ABCB11: variants seen among roughly 807,000 people sequenced by gnomAD.
ABCB11 encodes ATP binding cassette subfamily B member 11, also known as bile salt export pump.
In ABCB11, 95 loss-of-function variants were observed where a neutral mutation model predicts 148.0. The ratio of observed to expected loss-of-function variants is 0.64; its 90% confidence interval spans 0.54 to 0.76. The LOEUF (loss-of-function observed/expected upper bound fraction) is 0.76, where lower values mean the gene tolerates loss of function less well. Ranked by LOEUF, ABCB11 falls within the 30% of genes least tolerant of loss-of-function variation. The probability of loss-of-function intolerance (pLI) is 0.00; values close to 1 mark genes in which losing one functional copy is unlikely to be tolerated. For synonymous variants in ABCB11, 591 were observed against 555.4 expected (o/e 1.06, Z -0.90); for missense variants, 1,523 against 1,617.8 (o/e 0.94, Z 1.01).
In ABCB11 at chr2:168,923,768, C is replaced by A. The variant is rs753502599; in HGVS notation, c.3820G>T (p.Ala1274Ser). The change falls in exon 28 of 28, where the codon GCC (alanine) becomes TCC (serine). Residue 1274 changes from alanine to serine, a missense_variant. Coordinates refer to ENST00000650372, the MANE Select transcript of ABCB11 (RefSeq NM_003742.4). The stretch of plus-strand genomic sequence containing the variant: ...TTCTGGATGGTGGACAAGCGATGGG[C>A]AATGACAATGCAGGTCCGACCCTCT... ...AREGRTCIVI[A>S]HRLSTIQNAD... 1.2e-6 allele frequency: 2 copies of A among 1,613,808 alleles called. No individual in the cohort carries two copies. The highest frequency in any genetic ancestry group is 2.7e-5 in the African/African-American group (2 of 74,880).
chr2:169,014,236 C>CG, intron 4 of ABCB11, 67 bp downstream of exon 4: 4 of 1,087,910 alleles, frequency 3.7e-6, no homozygotes, highest in Non-Finnish European at 5.6e-6. Context: ...AGATTTAACA[C>CG]TCCCCTCATG....
At chr2:168,936,655 C>T (rs1479120792) in intron 21 of ABCB11, among the ~76,000 whole-genome samples, 1 of 152,112 alleles carries the variant, frequency 6.6e-6, no homozygotes, top group Non-Finnish European at 1.5e-5. Flanking sequence ...CCAACAAAAA[C>T]TCTGTATCCA....
At chr2:168,949,041 C>A (rs910866343) in intron 19 of ABCB11, among the ~76,000 whole-genome samples, 39 of 151,616 alleles carry the variant, frequency 2.6e-4, no homozygotes, top group African/African-American at 9.2e-4. Flanking sequence ...ATTCTATAGA[C>A]TAGGATTCGG....
At chr2:168,968,839 T>A (rs889851572) in intron 16 of ABCB11, among the ~76,000 whole-genome samples, 5 of 151,614 alleles carry the variant, frequency 3.3e-5, no homozygotes, top group Non-Finnish European at 7.4e-5. Flanking sequence ...CTATTCAGAA[T>A]AACCCTCCTA....
At chr2:168,961,227 T>C (rs1016851860) in intron 18 of ABCB11, among the ~76,000 whole-genome samples, 10 of 151,766 alleles carry the variant, frequency 6.6e-5, no homozygotes, top group Non-Finnish European at 8.9e-5. Context: ...CTGTTTCCTT[T>C]CTTACATCTT....
At chr2:168,969,952 C>T in intron 15 of ABCB11, 93 bp downstream of exon 15, 20 of 541,468 alleles carry the variant, frequency 3.7e-5, no homozygotes, top group Non-Finnish European at 5.8e-5. Context: ...ATCAACTACT[C>T]CCATCCCTCC....
rs567990485 is a variant in ABCB11, at chr2:168,969,596, A to G, written c.1810-45T>C. 2.0e-6 allele frequency: 3 copies of G among 1,511,652 alleles called. No homozygotes were observed. In the South Asian group the frequency reaches 3.5e-5, roughly 17 times the overall value. The allele number at this position is 1,511,652 out of a possible 1,614,324, so 93.6% of individuals were successfully genotyped here. On this transcript the variant is annotated intron_variant, in intron 15 of 27. Transcript: ENST00000650372. The stretch of plus-strand genomic sequence containing the variant: ...ACCATTAAACAAAACTGTGAGACAG[A>G]GCTGACACTGACCTTTGCATCATTT...
rs767002817 is a variant in ABCB11, at chr2:168,990,801, C to G, written c.908G>C (p.Arg303Thr). Residue 303 changes from arginine to threonine, a missense_variant and splice_region_variant, in exon 9 of 28, where the codon AGG (arginine) becomes ACG (threonine). Transcript: ENST00000650372. ...AAGAATCAGATTCCAATTAACCAACCTTTCAACCTCTCTTTTCTCACCACC... is the reference window on the plus strand; with the variant it reads ...AAGAATCAGATTCCAATTAACCAACGTTTCAACCTCTCTTTTCTCACCACC... The part of the protein sequence containing the change: ...AFGGEKREVE[R>T]YEKNLVFAQR... 1 of 1,612,566 alleles carries G rather than the reference C, an allele frequency of 6.2e-7. No individual in the cohort carries two copies. The highest frequency in any genetic ancestry group is 8.5e-7 in the Non-Finnish European group (1 of 1,179,114).
intron 5 of ABCB11, among the ~76,000 whole-genome samples, chr2:169,012,717 G>C (rs1695223268): frequency 6.9e-6 from 1 of 145,402 alleles, no homozygotes; most frequent in Non-Finnish European, 1.5e-5. Flanking sequence ...TCCAGCCTGG[G>C]CAAAAAAGGA....
chr2:168,954,755 G>T (rs1297045508), intron 19 of ABCB11, among the ~76,000 whole-genome samples: 3 of 151,610 alleles, frequency 2.0e-5, no homozygotes, highest in Non-Finnish European at 3.0e-5. Context: ...CTTCTGAACT[G>T]GTTGTCTAAC....
At chr2:168,963,965 C>A (rs1204175670) in intron 18 of ABCB11, among the ~76,000 whole-genome samples, 1 of 151,790 alleles carries the variant, frequency 6.6e-6, no homozygotes, top group Non-Finnish European at 1.5e-5. Context: ...AGACAATTAA[C>A]CCTCCGAAGT....
intron 1 of ABCB11, among the ~76,000 whole-genome samples, chr2:169,019,206 CAT>C (rs1364033516): frequency 6.6e-6 from 1 of 151,998 alleles, no homozygotes; most frequent in East Asian, 1.9e-4. Context: ...TATATACACA[CAT>C]GTACAAATAA....
chr2:168,946,245 C>T (rs903684620), intron 19 of ABCB11, among the ~76,000 whole-genome samples: 2 of 151,830 alleles, frequency 1.3e-5, no homozygotes, highest in Non-Finnish European at 1.5e-5. Flanking sequence ...GTCATTAAAA[C>T]AGTGTCAACA....
At chr2:168,964,782 T>C (rs983365696) in intron 17 of ABCB11, among the ~76,000 whole-genome samples, 4 of 151,864 alleles carry the variant, frequency 2.6e-5, no homozygotes, top group Admixed American at 2.6e-4. Flanking sequence ...GGGCCTCTGA[T>C]GAGATTTTCT....
intron 4 of ABCB11, 69 bp downstream of exon 4, chr2:169,014,234 C>A: frequency 4.3e-6 from 5 of 1,168,858 alleles, no homozygotes; most frequent in South Asian, 2.5e-5. Flanking sequence ...AAAGATTTAA[C>A]ACTCCCCTCA....
chr2:168,959,959 A>C (rs1014794266), intron 18 of ABCB11, among the ~76,000 whole-genome samples: 47 of 131,046 alleles, frequency 3.6e-4, no homozygotes, highest in African/African-American at 1.2e-3. Context: ...AAAAAAAAAA[A>C]CCCGAATATG....
chr2:168,930,747 G>A lies in ABCB11; in HGVS notation c.3329C>T (p.Ala1110Val), dbSNP rs373956718. Residue 1110 changes from alanine (A) to valine (V), a missense_variant, in exon 25 of 28, where the codon GCG becomes GTG. Physicochemically the swap from Ala to Val is moderately conservative, Grantham distance 64. Transcript: ENST00000650372. Reference protein sequence around the residue: ...SVSISPGQTLAFVGSSGCGKS... With the variant: ...SVSISPGQTLVFVGSSGCGKS... ...GCCACATCCACTGCTCCCAACAAAC[G>A]CCAGTGTCTGCCCTGGACTAATCGA... 1.1e-5 allele frequency: 18 copies of A among 1,610,178 alleles called. No individual in the cohort carries two copies. Among genetic ancestry groups the A allele is most frequent in the Admixed American group, 5.0e-5 (3 of 59,898 alleles).
intron 11 of ABCB11, 21 bp from the exon 12 acceptor site, chr2:168,976,708 G>A: frequency 6.7e-7 from 1 of 1,486,674 alleles, no homozygotes; most frequent in Non-Finnish European, 9.4e-7. Context: ...ATACAAAAGG[G>A]ACACAGTGTA....
intron 3 of ABCB11, among the ~76,000 whole-genome samples, chr2:169,014,995 C>G (rs879319916): frequency 7.9e-5 from 12 of 152,138 alleles, no homozygotes; most frequent in Non-Finnish European, 1.5e-4. Context: ...TGTTTAACTC[C>G]TTGGCACTCT....
Sources: gnomAD v4.1 joint callset for allele counts (sites outside exome capture counted in the v4.1 genomes callset) on GRCh38, gnomAD v4.1.1 for gene constraint, MANE v1.5 for transcripts, NCBI Gene and HGNC (gene_info 2026-07-23, HGNC 2026-07-21) for gene names.